NAV2: variants seen among roughly 807,000 people sequenced by gnomAD.
The protein encoded by NAV2 is neuron navigator 2, also known as helicase, APC down-regulated 1.
In NAV2, 54 loss-of-function variants were observed where a neutral mutation model predicts 223.2. The ratio of observed to expected loss-of-function variants is 0.24; its 90% CI spans 0.19 to 0.30. NAV2 has a LOEUF of 0.30. NAV2 is among the 10% of genes least tolerant of loss of function. The pLI is 1.00. For missense variants in NAV2, 2,806 were observed against 3,147.5 expected, an observed-to-expected ratio of 0.89 and a Z score of 2.60; for synonymous variants, 1,279 against 1,239.3, an observed-to-expected ratio of 1.03 and a Z score of -0.67.
At chr11:19,834,560 T>C (rs1236958954) in intron 2 of NAV2, among the ~76,000 whole-genome samples, 1 of 151,580 alleles carries the variant, frequency 6.6e-6, no homozygotes, top group African/African-American at 2.4e-5. Context: ...GGTACCTTTT[T>C]TTTTTTTCTT....
intron 1 of NAV2, among the ~76,000 whole-genome samples, chr11:19,680,821 C>T (rs553576598): frequency 2.4e-4 from 37 of 152,324 alleles, no homozygotes; most frequent in Non-Finnish European, 3.8e-4. Flanking sequence ...AATGAGCTCA[C>T]GTGAGAGAAC....
chr11:19,482,217 G>A (rs1164465256), intron 1 of NAV2, among the ~76,000 whole-genome samples: 2 of 152,138 alleles, frequency 1.3e-5, no homozygotes, highest in Non-Finnish European at 2.9e-5. Context: ...CCATTTTATA[G>A]ATAGTGAAAC....
At chr11:19,540,348 A>G (rs1026002572) in intron 1 of NAV2, among the ~76,000 whole-genome samples, 10 of 152,198 alleles carry the variant, frequency 6.6e-5, no homozygotes, top group Non-Finnish European at 1.3e-4. Flanking sequence ...CAAAATTATC[A>G]CAACATCAGC....
chr11:19,755,205 A>C (rs1218838647), intron 1 of NAV2, among the ~76,000 whole-genome samples: 3 of 152,240 alleles, frequency 2.0e-5, no homozygotes, highest in Admixed American at 1.3e-4. Flanking sequence ...CATTCAACTC[A>C]CCACAACAGT....
chr11:19,742,157 C>T (rs1425536382), intron 1 of NAV2, among the ~76,000 whole-genome samples: 1 of 152,140 alleles, frequency 6.6e-6, no homozygotes, highest in Non-Finnish European at 1.5e-5. Flanking sequence ...CCTCCTGAGC[C>T]CCTTATACTC....
intron 2 of NAV2, among the ~76,000 whole-genome samples, chr11:19,835,490 G>C (rs533738489): frequency 6.6e-6 from 1 of 152,278 alleles, no homozygotes; most frequent in African/African-American, 2.4e-5. Flanking sequence ...CCAGCTCAGA[G>C]CATTTACTCT....
chr11:19,603,080 C>T (rs1310370162), intron 1 of NAV2, among the ~76,000 whole-genome samples: 1 of 152,190 alleles, frequency 6.6e-6, no homozygotes, highest in East Asian at 1.9e-4. Flanking sequence ...ACAGAGAGGG[C>T]TGAGGTTACG....
At chr11:19,809,270 C>T (rs1410139024) in intron 1 of NAV2, among the ~76,000 whole-genome samples, 1 of 152,172 alleles carries the variant, frequency 6.6e-6, no homozygotes, top group Non-Finnish European at 1.5e-5. Flanking sequence ...TTTACACACA[C>T]ATGAGAGTTT....
At chr11:19,873,283 A>G (rs1475590298) in intron 4 of NAV2, among the ~76,000 whole-genome samples, 1 of 152,142 alleles carries the variant, frequency 6.6e-6, no homozygotes. Context: ...AGTGGTAAGC[A>G]CAGGATCCGG....
intron 3 of NAV2, among the ~76,000 whole-genome samples, chr11:19,860,033 G>A (rs1351736732): frequency 7.9e-6 from 1 of 125,960 alleles, no homozygotes; most frequent in Non-Finnish European, 1.7e-5. Context: ...CGGCTGGCCA[G>A]GCGGGGGGCT....
At chr11:19,409,595 T>A (rs1254154561) in intron 1 of NAV2, among the ~76,000 whole-genome samples, 1 of 152,158 alleles carries the variant, frequency 6.6e-6, no homozygotes, top group Non-Finnish European at 1.5e-5. Flanking sequence ...GCAGAAGGAC[T>A]CCAAGACTGT....
intron 1 of NAV2, among the ~76,000 whole-genome samples, chr11:19,767,305 C>A (rs535499973): frequency 6.6e-6 from 1 of 152,288 alleles, no homozygotes; most frequent in South Asian, 2.1e-4. Context: ...TAGTACATGT[C>A]AAACTTCATC....
At chr11:19,848,657 T>C (rs1262478246) in intron 3 of NAV2, among the ~76,000 whole-genome samples, 2 of 152,194 alleles carry the variant, frequency 1.3e-5, no homozygotes, top group East Asian at 1.9e-4. Context: ...CATGAGACAA[T>C]CTACATGAAG....
chr11:20,075,817 G>C (rs2059709106), intron 22 of NAV2, among the ~76,000 whole-genome samples: 1 of 140,960 alleles, frequency 7.1e-6, no homozygotes, highest in African/African-American at 2.7e-5. Context: ...TCCTCACTGT[G>C]TGTGTCAGTC....
chr11:20,083,261 A>G (rs2060204864), intron 26 of NAV2, 82 bp downstream of exon 26: 2 of 1,121,330 alleles, frequency 1.8e-6, no homozygotes, highest in Non-Finnish European at 2.6e-6. Flanking sequence ...TCCTGTTATG[A>G]CACATCTGCT....
intron 1 of NAV2, among the ~76,000 whole-genome samples, chr11:19,363,465 C>T (rs932220051): frequency 1.3e-4 from 20 of 152,122 alleles, no homozygotes; most frequent in Non-Finnish European, 2.6e-4. Context: ...GAATAGTTTT[C>T]CCTGATATCC....
chr11:19,834,762 G>T (rs983412306), intron 2 of NAV2, among the ~76,000 whole-genome samples: 1 of 152,174 alleles, frequency 6.6e-6, no homozygotes, highest in African/African-American at 2.4e-5. Flanking sequence ...ATACTGAGAG[G>T]TCTTATATTC....
chr11:19,978,722 T>C (rs2050036245), intron 10 of NAV2: 1 of 151,714 alleles, frequency 6.6e-6, no homozygotes, highest in African/African-American at 2.4e-5. Context: ...TCGGTACGTA[T>C]TTCTTTCCTT....
At chr11:19,866,421 A>C (rs1183404996) in intron 3 of NAV2, among the ~76,000 whole-genome samples, 1 of 152,212 alleles carries the variant, frequency 6.6e-6, no homozygotes, top group East Asian at 1.9e-4. Context: ...TTCTGGGAAA[A>C]AAATGACAGG....
Sources: allele counts gnomAD v4.1 joint callset (sites outside exome capture counted in the v4.1 genomes callset), GRCh38; gene constraint gnomAD v4.1.1; transcripts MANE v1.5; gene names NCBI Gene and HGNC (gene_info 2026-07-23, HGNC 2026-07-21).